The following C6orf89 variants were observed in gnomAD, a reference collection of about 807,000 sequenced individuals.
C6orf89 encodes chromosome 6 open reading frame 89, also known as bombesin receptor-activated protein C6orf89.
C6orf89 carries 29 observed loss-of-function variants against 40.7 expected under a neutral mutation model. The observed-to-expected ratio is 0.71, with a 90% CI of 0.53 to 0.97. The LOEUF is 0.97. Ranked by LOEUF, C6orf89 falls within the 50% of genes least tolerant of loss-of-function variation. C6orf89 has a pLI of 0.00. For synonymous variants in C6orf89, 165 were observed against 152.2 expected, an observed-to-expected ratio of 1.08 and a Z score of -0.62; for missense variants, 392 against 429.1, an observed-to-expected ratio of 0.91 and a Z score of 0.76.
chr6:36,889,582 C>CAAAAACAAAAA (rs71556976), intron 1 of C6orf89, among the ~76,000 whole-genome samples: 10 of 140,468 alleles, frequency 7.1e-5, no homozygotes, highest in African/African-American at 2.4e-4. Flanking sequence ...AAAACAAAAA[C>CAAAAACAAAAA]AAAAAAAAAA....
Position 36,908,681 on chromosome 6 carries a change from C to A in C6orf89, c.404-5603C>A, listed in dbSNP as rs143393752. ...CACATTGTATTAGTTTCTAAGGCTG[C>A]TGAAACAAAGCATCACAGGCCGAGC... On this transcript the variant is annotated intron_variant, in intron 4 of 8. Transcript: ENST00000480824. Among the ~76,000 whole-genome samples the A allele has an allele frequency of 3.3e-5, 5 of 152,264 alleles. No individual in the cohort carries two copies. In the East Asian group the frequency reaches 9.6e-4, roughly 29 times the overall value.
At chr6:36,910,482 C>T (rs1349169864) in intron 4 of C6orf89, among the ~76,000 whole-genome samples, 1 of 152,114 alleles carries the variant, frequency 6.6e-6, no homozygotes, top group African/African-American at 2.4e-5. Context: ...AATTCCAGCA[C>T]TTTGGGAGGC....
chr6:36,897,129 C>CAAAAAAAAAAAAAAAA (rs34191608), intron 2 of C6orf89, among the ~76,000 whole-genome samples: 2 of 85,394 alleles, frequency 2.3e-5, no homozygotes, highest in African/African-American at 9.2e-5. Flanking sequence ...GACTCTGTCT[C>CAAAAAAAAAAAAAAAA]AAAAAAAAAA....
intron 1 of C6orf89, chr6:36,875,027 C>T: frequency 2.0e-6 from 1 of 499,974 alleles, no homozygotes; most frequent in African/African-American, 2.0e-5. Flanking sequence ...CGATACCGCG[C>T]CACTCTGGGC....
intron 4 of C6orf89, among the ~76,000 whole-genome samples, chr6:36,903,862 A>G (rs1271027295): frequency 6.6e-6 from 1 of 152,026 alleles, no homozygotes; most frequent in Non-Finnish European, 1.5e-5. Flanking sequence ...TTTTTTTTTA[A>G]AAAATCAACA....
At chr6:36,904,356 T>C (rs1338595243) in intron 4 of C6orf89, among the ~76,000 whole-genome samples, 1 of 152,212 alleles carries the variant, frequency 6.6e-6, no homozygotes, top group African/African-American at 2.4e-5. Flanking sequence ...AATGAGTCCT[T>C]GGAGCTCAGT....
At chr6:36,872,541 G>A (rs997884373) in intron 1 of C6orf89, among the ~76,000 whole-genome samples, 2 of 152,004 alleles carry the variant, frequency 1.3e-5, no homozygotes, top group African/African-American at 4.8e-5. Context: ...TAAGGAAGAG[G>A]CAAGAGAAAG....
chr6:36,922,255 G>A (rs957974377), intron 8 of C6orf89, among the ~76,000 whole-genome samples: 5 of 151,844 alleles, frequency 3.3e-5, no homozygotes, highest in African/African-American at 1.2e-4. Context: ...CAGGAGAATT[G>A]CTTGAACCTG....
At chr6:36,896,722 T>C (rs998433299) in intron 2 of C6orf89, among the ~76,000 whole-genome samples, 5 of 152,198 alleles carry the variant, frequency 3.3e-5, no homozygotes, top group Admixed American at 1.3e-4. Flanking sequence ...TAAGAAACCA[T>C]TGCCGAATCC....
At chr6:36,905,631 T>G (rs1421295056) in intron 4 of C6orf89, among the ~76,000 whole-genome samples, 1 of 152,196 alleles carries the variant, frequency 6.6e-6, no homozygotes, top group East Asian at 1.9e-4. Flanking sequence ...TTGACTGACT[T>G]AATCCTTCCT....
In C6orf89 at chr6:36,887,398, G is replaced by A. The variant is rs77738932; in HGVS notation, c.-120+1370G>A. ...TTCCACATCTGAGGTGAATTCCCAC[G>A]TCTGTTCTTAGTTTTTTGTGTTTTC... On this transcript the variant is annotated intron_variant, in intron 1 of 8. Coordinates refer to ENST00000480824, the MANE Select transcript of C6orf89 (RefSeq NM_001286635.2). Among the ~76,000 whole-genome samples the A allele has an allele frequency of 6.8e-3, 1,040 of 152,188 alleles. 14 individuals carry two copies. Among genetic ancestry groups the A allele is most frequent in the African/African-American group, 0.023 (954 of 41,508 alleles).
In C6orf89 at chr6:36,899,558, T is replaced by C. The variant is rs1370167729; in HGVS notation, c.114T>C (p.Phe38=). 6.2e-7 allele frequency: 1 copy of C among 1,614,182 alleles called. No homozygotes were observed. Among genetic ancestry groups the C allele is most frequent in the Non-Finnish European group, 8.5e-7 (1 of 1,180,022 alleles). The change falls in exon 3 of 9, where the codon TTT becomes TTC. Residue 38 remains phenylalanine, a synonymous_variant. Transcript: ENST00000480824. ...TGTCAGAGAAGGCAATTGAAAAATTTATCAGACAGCTGCTGGAAAAGAATG... is the reference window on the plus strand; with the variant it reads ...TGTCAGAGAAGGCAATTGAAAAATTCATCAGACAGCTGCTGGAAAAGAATG... ...CGMSEKAIEK[F]IRQLLEKNEP...
intron 4 of C6orf89, among the ~76,000 whole-genome samples, chr6:36,911,928 G>GC (rs1762137780): frequency 1.2e-5 from 1 of 85,532 alleles, no homozygotes; most frequent in Non-Finnish European, 2.4e-5. Context: ...TCATCACAGT[G>GC]AACCCCCCCC....
chr6:36,903,810 A>T (rs761803598), intron 4 of C6orf89, among the ~76,000 whole-genome samples: 9 of 152,206 alleles, frequency 5.9e-5, no homozygotes, highest in Non-Finnish European at 1.2e-4. Context: ...AATCAGAGGA[A>T]GGGAACATTG....
In C6orf89 at chr6:36,923,486, G is replaced by C. The variant is rs746400204; in HGVS notation, c.*45G>C. 6.9e-7 allele frequency: 1 copy of C among 1,442,796 alleles called. No individual in the cohort carries two copies. Among genetic ancestry groups the C allele is most frequent in the East Asian group, 2.3e-5 (1 of 44,026 alleles). The allele number at this position is 1,442,796 out of a possible 1,614,324, so 89.4% of individuals were successfully genotyped here. A position where few individuals can be genotyped will look rare whatever the true frequency, so the allele number is the denominator to read the frequency against. ...GAACAGCTTCCAGAGCCGAAAACCA[G>C]GTTGAAAGGGGAAAAATAAAAACAA... On this transcript the variant is annotated 3_prime_UTR_variant, in exon 9 of 9. Transcript: ENST00000480824.
chr6:36,916,676 C>G (rs907764716), intron 7 of C6orf89, 102 bp downstream of exon 7: 1 of 1,441,704 alleles, frequency 6.9e-7, no homozygotes, highest in Non-Finnish European at 9.6e-7. Context: ...TAGAGGGTTA[C>G]AGGGTGAATT....
At chr6:36,883,435 T>C (rs1774877875), upstream of C6orf89, 1 of 152,210 alleles carries the variant, frequency 6.6e-6, no homozygotes, top group Non-Finnish European at 1.5e-5. Flanking sequence ...GATCAAAACT[T>C]CTACTATCAC....
In C6orf89 at chr6:36,928,771, C is replaced by T. The variant is rs566207959; in HGVS notation, c.*5330C>T. 1 of 152,378 alleles carries T rather than the reference C, an allele frequency of 6.6e-6. No homozygotes were observed. The highest frequency in any genetic ancestry group is 1.5e-5 in the Non-Finnish European group (1 of 68,110). 9.4% of individuals were successfully genotyped at this position (152,378 alleles called of 1,614,324 possible). On this transcript the variant is annotated 3_prime_UTR_variant, in exon 9 of 9. Coordinates refer to ENST00000480824, the MANE Select transcript of C6orf89 (RefSeq NM_001286635.2). ...GCAGGGTGTGGTGGCCCTGGATGGT[C>T]CCAGGGAGCAGAGGGAGGCAGGCAG...
intron 2 of C6orf89, among the ~76,000 whole-genome samples, chr6:36,879,742 CA>C (rs967064465): frequency 3.4e-5 from 5 of 146,532 alleles, no homozygotes; most frequent in Non-Finnish European, 6.0e-5. Context: ...CCCTGAAACA[CA>C]AAAAAAAAAC....
Sources: allele counts gnomAD v4.1 joint callset (sites outside exome capture counted in the v4.1 genomes callset), GRCh38; gene constraint gnomAD v4.1.1; transcripts MANE v1.5; gene names NCBI Gene and HGNC (gene_info 2026-07-23, HGNC 2026-07-21).